The following LGI2 variants were observed in gnomAD, a reference collection of about 807,000 sequenced individuals.
LGI2 encodes the protein leucine-rich repeat LGI family member 2.
Under a neutral mutation model 52.0 loss-of-function variants are expected in LGI2, and 30 were observed. That is an observed-to-expected ratio of 0.58 (90% CI 0.43 to 0.78). The LOEUF is 0.78. LGI2 is among the 30% of genes least tolerant of loss of function. The pLI is 0.00. For missense variants in LGI2, 573 were observed against 692.5 expected, an observed-to-expected ratio of 0.83 and a Z score of 1.94; for synonymous variants, 270 against 271.8, an observed-to-expected ratio of 0.99 and a Z score of 0.06.
At chr4:24,998,466 G>A (rs1011636006), downstream of LGI2, among the ~76,000 whole-genome samples, 3 of 152,186 alleles carry the variant, frequency 2.0e-5, no homozygotes, top group African/African-American at 7.2e-5. Flanking sequence ...CAGACATGCA[G>A]AAAACAAAAG....
intron 4 of LGI2, among the ~76,000 whole-genome samples, chr4:25,023,062 TTGATGTTGA>T (rs1339241988): frequency 1.2e-5 from 1 of 84,376 alleles, no homozygotes; most frequent in African/African-American, 5.1e-5. Context: ...AGGAATTATG[TTGATGTTGA>T]TGATGATGAT....
In LGI2 at chr4:25,015,865, A is replaced by AT. The variant is rs1054804004; in HGVS notation, c.655+2123dup. ...GGGTGGATCACAACTTTGTTGTACC[A>AT]TTTTTTTCCCGATGGAAGAAACTGT... On this transcript the variant is annotated intron_variant, in intron 6 of 7. Transcript: ENST00000382114. Among the ~76,000 whole-genome samples, 95 of 152,068 alleles carry AT rather than the reference A, an allele frequency of 6.2e-4. 1 individual carries two copies. Among genetic ancestry groups the AT allele is most frequent in the African/African-American group, 2.1e-3 (88 of 41,488 alleles).
intron 5 of LGI2, among the ~76,000 whole-genome samples, chr4:25,018,883 G>T (rs1725857856): frequency 6.6e-6 from 1 of 151,770 alleles, no homozygotes; most frequent in South Asian, 2.1e-4. Context: ...AATACATCCA[G>T]TAAGAAGCAA....
Position 25,003,619 on chromosome 4 carries a change from G to T in LGI2, c.1470C>A (p.Tyr490Ter). Residue 490 changes from tyrosine to a stop codon, truncating the protein, a stop_gained, in exon 8 of 8, where the codon TAC (tyrosine) becomes TAA (stop). Transcript: ENST00000382114. LOFTEE classifies it high-confidence loss of function. The stretch of plus-strand genomic sequence containing the variant: ...ATAGCTGCTTCTCTTTATCCCACTG[G>T]TATATCTGAGAGAATGTATAGTCAC... ...LGSDYTFSQI[Y>*]QWDKEKQLFK... 1 of 1,614,088 alleles carries T rather than the reference G, an allele frequency of 6.2e-7. No individual in the cohort carries two copies. The highest frequency in any genetic ancestry group is 8.5e-7 in the Non-Finnish European group (1 of 1,180,018).
Position 25,003,264 on chromosome 4 carries a change from A to C in LGI2, c.*187T>G, listed in dbSNP as rs544826236. 3.8e-6 allele frequency: 2 copies of C among 526,498 alleles called. No homozygotes were observed. The highest frequency in any genetic ancestry group is 6.6e-6 in the Non-Finnish European group (2 of 303,048). 32.6% of individuals were successfully genotyped at this position (526,498 alleles called of 1,614,324 possible). On this transcript the variant is annotated 3_prime_UTR_variant, in exon 8 of 8. Coordinates refer to ENST00000382114, the MANE Select transcript of LGI2 (RefSeq NM_018176.4). ...TTTTAAATGGTAGAATGGGCATGTC[A>C]TGCAGTTAGCCAATAAATGCAATCC... is the stretch of plus-strand genomic sequence containing the variant.
At chr4:25,020,600 G>A (rs1375096190) in intron 4 of LGI2, among the ~76,000 whole-genome samples, 1 of 152,202 alleles carries the variant, frequency 6.6e-6, no homozygotes, top group Non-Finnish European at 1.5e-5. Context: ...ACCAATTTAA[G>A]ATATCTATGA....
intron 4 of LGI2, among the ~76,000 whole-genome samples, chr4:25,023,566 G>A (rs146982152): frequency 6.6e-6 from 1 of 152,084 alleles, no homozygotes; most frequent in Non-Finnish European, 1.5e-5. Context: ...TGCCAATATC[G>A]GGGCTTGATG....
intron 1 of LGI2, among the ~76,000 whole-genome samples, chr4:25,029,115 C>T (rs934158939): frequency 2.6e-5 from 4 of 152,194 alleles, no homozygotes; most frequent in African/African-American, 7.2e-5. Context: ...CCAGATAAAA[C>T]GGTCAACCAG....
chr4:25,007,166 C>T (rs967417600), intron 7 of LGI2, among the ~76,000 whole-genome samples: 1 of 152,182 alleles, frequency 6.6e-6, no homozygotes, highest in Admixed American at 6.5e-5. Flanking sequence ...CCATATTTTA[C>T]TTAATTAATG....
At position 25,030,491 on chromosome 4, in the gene LGI2, A is replaced by G. The variant is rs759132212; in HGVS notation, c.197+6T>C. ...ACGGGATGGGGGCTGGAGGGGTCCC[A>G]CTCACAGGGAGCTGATGTCGCCCGG... On this transcript the variant is annotated splice_donor_region_variant and intron_variant, in intron 1 of 7. Coordinates refer to ENST00000382114, the MANE Select transcript of LGI2 (RefSeq NM_018176.4). 2.1e-5 allele frequency: 33 copies of G among 1,580,124 alleles called. No homozygotes were observed.
rs370161630 is a variant in LGI2, at chr4:25,003,870, T to G, written c.1219A>C (p.Lys407Gln). 9.9e-6 allele frequency: 16 copies of G among 1,614,034 alleles called. No homozygotes were observed. In the East Asian group the frequency reaches 2.7e-4, roughly 27 times the overall value. Reference protein sequence around the residue: ...IILQWNKSSKKFVPHGDIPNM... With the variant: ...IILQWNKSSKQFVPHGDIPNM... The stretch of plus-strand genomic sequence containing the variant: ...GGGATGTCACCATGGGGGACAAACT[T>G]CTTAGAGCTTTTATTCCACTGGAGG... The change falls in exon 8 of 8, where the codon AAG (lysine) becomes CAG (glutamine). Residue 407 changes from lysine to glutamine, a missense_variant. By Grantham distance (53) the Lys-to-Gln change is moderately conservative. Coordinates refer to ENST00000382114, the MANE Select transcript of LGI2 (RefSeq NM_018176.4).
chr4:25,017,573 T>C (rs2109417496), intron 6 of LGI2, among the ~76,000 whole-genome samples: 2 of 143,764 alleles, frequency 1.4e-5, no homozygotes, highest in Admixed American at 1.4e-4. Context: ...AAAAAAATTC[T>C]GATGTTTGTT....
At position 25,003,925 on chromosome 4, in the gene LGI2, G is replaced by T. The variant is rs946654162; in HGVS notation, c.1164C>A (p.Ile388=). The T allele has an allele frequency of 2.0e-5, 32 of 1,614,052 alleles. 1 individual carries two copies. The African/African-American group carries it at 2.0e-4, about 10-fold the overall frequency. The change falls in exon 8 of 8, where the codon ATC becomes ATA. Residue 388 remains isoleucine, a synonymous_variant. Coordinates refer to ENST00000382114, the MANE Select transcript of LGI2 (RefSeq NM_018176.4). ...TGGGGACCTGGGAGCGGCTGGACAG[G>T]ATGAGATGCGATTTTCCATCGATAT... is the stretch of plus-strand genomic sequence containing the variant. The part of the protein sequence containing the change: ...FVDIDGKSHL[I]LSSRSQVPII...
intron 1 of LGI2, 56 bp from the exon 2 acceptor site, chr4:25,028,634 C>A: frequency 6.8e-7 from 1 of 1,472,068 alleles, no homozygotes; most frequent in Admixed American, 1.9e-5. Flanking sequence ...AAGTGCCATG[C>A]AGGGTGGGTA....
rs778365053 is a variant in LGI2 at position 25,012,392 on chromosome 4, T to C, written c.763A>G (p.Met255Val). 3.1e-6 allele frequency: 5 copies of C among 1,614,250 alleles called. No individual in the cohort carries two copies. The highest frequency in any genetic ancestry group is 4.2e-6 in the Non-Finnish European group (5 of 1,180,042). Residue 255 changes from methionine to valine, a missense_variant, in exon 7 of 8, where the codon ATG becomes GTG. Met to Val is a conservative substitution (Grantham distance 21, BLOSUM62 1). Transcript: ENST00000382114. Reference protein sequence around the residue: ...AIAQPSMENCMVLEWDHIEMN... With the variant: ...AIAQPSMENCVVLEWDHIEMN... The stretch of plus-strand genomic sequence containing the variant: ...TCAATGTGGTCCCACTCCAGCACCA[T>C]GCAGTTCTCCATGCTGGGCTGCGCG...
rs997832620 is a variant in LGI2, at chr4:25,012,643, C to T, written c.656-144G>A. The T allele has an allele frequency of 3.8e-6, 3 of 796,054 alleles. No individual in the cohort carries two copies. In the African/African-American group the frequency reaches 5.2e-5, roughly 14 times the overall value. The allele number at this position is 796,054 out of a possible 1,614,324, so 49.3% of individuals were successfully genotyped here. On this transcript the variant is annotated intron_variant, in intron 6 of 7. Coordinates refer to ENST00000382114, the MANE Select transcript of LGI2 (RefSeq NM_018176.4). ...TAGGAGAGATGCAACACAAACATCACAGCGTATTTTACTCTGGGACATTCC... is the reference window on the plus strand; with the variant it reads ...TAGGAGAGATGCAACACAAACATCATAGCGTATTTTACTCTGGGACATTCC...
intron 7 of LGI2, among the ~76,000 whole-genome samples, chr4:25,005,250 G>C (rs1478690948): frequency 6.6e-6 from 1 of 152,198 alleles, no homozygotes. Flanking sequence ...CCACTGACCA[G>C]TATACTAAAA....
chr4:25,028,166 T>C (rs1017273751), intron 2 of LGI2, among the ~76,000 whole-genome samples: 2 of 152,228 alleles, frequency 1.3e-5, no homozygotes, highest in Non-Finnish European at 2.9e-5. Flanking sequence ...GATTTTAAAA[T>C]GAAGTTTTCT....
chr4:25,027,039 C>T (rs1726174728), intron 2 of LGI2, 100 bp from the exon 3 acceptor site: 4 of 923,566 alleles, frequency 4.3e-6, no homozygotes, highest in Middle Eastern at 2.5e-4. Context: ...TGTGGGCAAA[C>T]ATGAGCTCTT....
Sources: allele counts gnomAD v4.1 joint callset (sites outside exome capture counted in the v4.1 genomes callset), GRCh38; gene constraint gnomAD v4.1.1; transcripts MANE v1.5; gene names NCBI Gene and HGNC (gene_info 2026-07-23, HGNC 2026-07-21).